The following TG variants were observed in gnomAD, a reference collection of about 807,000 sequenced individuals.
TG encodes thyroglobulin, also known as thyroid hormones.
TG carries 270 observed loss-of-function variants against 324.7 expected under a neutral mutation model. The observed-to-expected ratio is 0.83, with a 90% CI of 0.75 to 0.92. TG has a LOEUF of 0.92. Among genes scored for constraint, TG ranks in the 40% least tolerant of loss-of-function variants. The pLI is 0.00. For missense variants in TG, 3,591 were observed against 3,456.4 expected (o/e 1.04, Z -0.98); for synonymous variants, 1,401 against 1,327.0 (o/e 1.06, Z -1.21).
chr8:132,909,909 G>A (rs963977832), intron 18 of TG, among the ~76,000 whole-genome samples: 1 of 152,196 alleles, frequency 6.6e-6, no homozygotes, highest in Admixed American at 6.5e-5. Context: ...TCTCTCAGAG[G>A]CAAATTCTCC....
chr8:133,038,140 C>T lies in TG; in HGVS notation c.7239+8117C>T, dbSNP rs1837423982. ...TCTCAGGCTTGCCCATACAGAAGTT[C>T]TCTCCAATGACCTTGGAGTGTAACT... On this transcript the variant is annotated intron_variant, in intron 41 of 47. Coordinates refer to ENST00000220616, the MANE Select transcript of TG (RefSeq NM_003235.5). The T allele has an allele frequency of 2.0e-5, 4 of 199,938 alleles. 1 individual carries two copies. In the South Asian group the frequency reaches 3.6e-4, roughly 18 times the overall value. 12.4% of individuals were successfully genotyped at this position (199,938 alleles called of 1,614,324 possible).
intron 43 of TG, among the ~76,000 whole-genome samples, chr8:133,097,326 T>C (rs890577217): frequency 6.6e-6 from 1 of 152,264 alleles, no homozygotes; most frequent in Admixed American, 6.5e-5. Flanking sequence ...CAGTTTTACA[T>C]GATATATATA....
intron 16 of TG, 121 bp from the exon 17 acceptor site, chr8:132,906,567 C>G: frequency 8.7e-7 from 1 of 1,146,498 alleles, no homozygotes; most frequent in Non-Finnish European, 1.3e-6. Flanking sequence ...CTTGACAGGT[C>G]CAGGGAAGGG....
At chr8:132,920,250 T>C (rs1423742707) in intron 21 of TG, among the ~76,000 whole-genome samples, 3 of 152,206 alleles carry the variant, frequency 2.0e-5, no homozygotes, top group Non-Finnish European at 4.4e-5. Flanking sequence ...GTTTTTTTCC[T>C]AGCAAGGACC....
At chr8:133,076,995 C>T (rs575179906) in intron 41 of TG, among the ~76,000 whole-genome samples, 20 of 152,204 alleles carry the variant, frequency 1.3e-4, no homozygotes, top group African/African-American at 4.6e-4. Context: ...TCAATTATGG[C>T]GACCCATCAA....
At chr8:133,111,692 T>C (rs1007384527) in intron 43 of TG, among the ~76,000 whole-genome samples, 2 of 150,524 alleles carry the variant, frequency 1.3e-5, no homozygotes, top group Non-Finnish European at 3.0e-5. Flanking sequence ...TGTCTGTGTA[T>C]GTCCATGTGT....
At position 132,888,389 on chromosome 8, in the gene TG, T is replaced by C. The variant is rs1815730004; in HGVS notation, c.2582T>C (p.Ile861Thr). The change falls in exon 10 of 48, where the codon ATC becomes ACC. Residue 861 changes from isoleucine to threonine, a missense_variant. By Grantham distance (89) the Ile-to-Thr change is moderately conservative. Coordinates refer to ENST00000220616, the MANE Select transcript of TG (RefSeq NM_003235.5). The stretch of plus-strand genomic sequence containing the variant: ...AAACGGCCCCAGCCCAGGGAGAATA[T>C]CCTCCTGGAGCCCTACCTCTTCTGG... ...EGKRPQPRENILLEPYLFWQI... is the reference protein window; with the variant it reads ...EGKRPQPRENTLLEPYLFWQI... The C allele has an allele frequency of 6.2e-7, 1 of 1,614,138 alleles. No homozygotes were observed. Among genetic ancestry groups the C allele is most frequent in the Non-Finnish European group, 8.5e-7 (1 of 1,180,016 alleles).
In TG at chr8:132,898,899, G is replaced by C. The variant is rs1282521989; in HGVS notation, c.3319G>C (p.Ala1107Pro). 1.2e-6 allele frequency: 2 copies of C among 1,613,870 alleles called. No homozygotes were observed. Among genetic ancestry groups the C allele is most frequent in the Non-Finnish European group, 8.5e-7 (1 of 1,179,930 alleles). The part of the protein sequence containing the change: ...NPSPKDLFVP[A>P]CLETGEYARL... ...ATCTCCAAAAGACCTGTTCGTCCCA[G>C]CCTGCCTAGAAGTAAGGGTCTGGAA... The change falls in exon 14 of 48, where the codon GCC (alanine) becomes CCC (proline). Residue 1107 changes from alanine to proline, a missense_variant. Coordinates refer to ENST00000220616, the MANE Select transcript of TG (RefSeq NM_003235.5).
chr8:132,898,080 A>G, intron 12 of TG, 89 bp from the exon 13 acceptor site: 3 of 1,284,792 alleles, frequency 2.3e-6, no homozygotes, highest in African/African-American at 1.5e-5. Context: ...TTGCACTGCT[A>G]TGAGTGAAGA....
intron 41 of TG, chr8:133,036,727 G>T (rs1244149021): frequency 6.6e-6 from 1 of 152,588 alleles, no homozygotes; most frequent in Non-Finnish European, 1.5e-5. Context: ...CTCTCCCTGT[G>T]TGCCAAGGGT....
chr8:133,108,693 C>T (rs1186676060), intron 43 of TG, among the ~76,000 whole-genome samples: 1 of 152,224 alleles, frequency 6.6e-6, no homozygotes, highest in African/African-American at 2.4e-5. Context: ...CTACTTTCAG[C>T]CTCTAACCTG....
intron 26 of TG, among the ~76,000 whole-genome samples, chr8:132,946,040 AC>A (rs1825225679): frequency 2.3e-3 from 1 of 432 alleles, no homozygotes; most frequent in Non-Finnish European, 4.3e-3. Flanking sequence ...AATATGTTAC[AC>A]ACACACACAC....
In TG at chr8:132,880,645, A is replaced by G. The variant is rs147992298; in HGVS notation, c.639-1218A>G. ...TTGTTTTGCATATCCATTTCCATTC[A>G]AATTAAATAATAGTTATTAACTTGA... On this transcript the variant is annotated intron_variant, in intron 5 of 47. Coordinates refer to ENST00000220616, the MANE Select transcript of TG (RefSeq NM_003235.5). 4.1e-3 allele frequency among the ~76,000 whole-genome samples: 627 copies of G among 152,336 alleles called. 4 individuals carry two copies. The highest frequency in any genetic ancestry group is 0.014 in the African/African-American group (595 of 41,572).
intron 35 of TG, among the ~76,000 whole-genome samples, chr8:132,998,441 G>A (rs1226750008): frequency 6.6e-6 from 1 of 152,216 alleles, no homozygotes; most frequent in African/African-American, 2.4e-5. Flanking sequence ...GTGTTCAGCT[G>A]TGGCCATGGG....
At chr8:132,946,304 T>A (rs1465267417) in intron 26 of TG, among the ~76,000 whole-genome samples, 1 of 152,224 alleles carries the variant, frequency 6.6e-6, no homozygotes, top group Non-Finnish European at 1.5e-5. Context: ...AAAATCCTTT[T>A]TTTCCATGAT....
At chr8:133,001,662 C>A in intron 35 of TG, 1 of 779,992 alleles carries the variant, frequency 1.3e-6, no homozygotes, top group Non-Finnish European at 1.6e-6. Context: ...ATGTTGTCTC[C>A]GTCCGATGAC....
chr8:133,086,905 C>T (rs532851025), intron 41 of TG, among the ~76,000 whole-genome samples: 1 of 152,282 alleles, frequency 6.6e-6, no homozygotes, highest in Admixed American at 6.5e-5. Flanking sequence ...CTGTCTATAA[C>T]ATTCTCCCTA....
At chr8:132,925,409 C>T (rs1395525181) in intron 22 of TG, among the ~76,000 whole-genome samples, 2 of 152,072 alleles carry the variant, frequency 1.3e-5, no homozygotes, top group Admixed American at 1.3e-4. Context: ...TGGTACAGCT[C>T]ATGGGATAAA....
At chr8:133,060,506 G>T in intron 41 of TG, 1 of 720,076 alleles carries the variant, frequency 1.4e-6, no homozygotes, top group Non-Finnish European at 2.1e-6. Flanking sequence ...GGGTTTGTGT[G>T]AGAAACCAAG....
Sources: allele counts gnomAD v4.1 joint callset (sites outside exome capture counted in the v4.1 genomes callset), GRCh38; gene constraint gnomAD v4.1.1; transcripts MANE v1.5; gene names NCBI Gene and HGNC (gene_info 2026-07-23, HGNC 2026-07-21).